HLCS: variants seen among roughly 807,000 people sequenced by gnomAD.
HLCS encodes the protein biotin--protein ligase.
HLCS carries 53 observed loss-of-function variants against 75.0 expected under a neutral mutation model. The observed-to-expected ratio is 0.71, with a 90% CI of 0.57 to 0.89. The LOEUF (loss-of-function observed/expected upper bound fraction) is 0.89. Ranked by LOEUF, HLCS falls within the 40% of genes least tolerant of loss-of-function variation. The probability of loss-of-function intolerance (pLI) is 0.00; values close to 1 mark genes in which losing one functional copy is unlikely to be tolerated. For synonymous variants in HLCS, 431 were observed against 428.6 expected, an observed-to-expected ratio of 1.01 and a Z score of -0.07; for missense variants, 966 against 1,074.0, an observed-to-expected ratio of 0.90 and a Z score of 1.41.
At chr21:36,909,826 C>A (rs1042236842) in intron 5 of HLCS, among the ~76,000 whole-genome samples, 3 of 152,170 alleles carry the variant, frequency 2.0e-5, no homozygotes, top group Non-Finnish European at 4.4e-5. Flanking sequence ...GTGTTGAATT[C>A]AAAATATTTC....
Position 36,945,921 on chromosome 21 carries a change from C to T in HLCS, c.331-6927G>A, listed in dbSNP as rs2845822. 140,915 of 162,378 alleles carry T rather than the reference C, an allele frequency of 0.87. 61,518 individuals carry two copies. Among genetic ancestry groups the T allele is most frequent in the African/African-American group, 0.96 (40,195 of 41,674 alleles). 10.1% of individuals were successfully genotyped at this position (162,378 alleles called of 1,614,324 possible). On this transcript the variant is annotated intron_variant, in intron 2 of 10. Transcript: ENST00000674895. ...CTTCCCAAACTTCAATCCTGGCTCC[C>T]CTGGTTAAGAGCGTGTGACCTGAGC...
At chr21:36,926,339 A>G (rs1057395811) in intron 5 of HLCS, among the ~76,000 whole-genome samples, 7 of 152,212 alleles carry the variant, frequency 4.6e-5, no homozygotes, top group African/African-American at 1.7e-4. Context: ...CACAGCTGCC[A>G]CAGGCCATGA....
intron 2 of HLCS, among the ~76,000 whole-genome samples, chr21:36,953,179 C>T (rs1321990056): frequency 1.3e-5 from 2 of 152,120 alleles, no homozygotes; most frequent in African/African-American, 4.8e-5. Flanking sequence ...TCACTGCAAC[C>T]TCAAACTTCT....
At chr21:36,986,112 C>T (rs2069224092) in intron 1 of HLCS, among the ~76,000 whole-genome samples, 1 of 152,150 alleles carries the variant, frequency 6.6e-6, no homozygotes, top group Non-Finnish European at 1.5e-5. Flanking sequence ...AAAGGCTCTG[C>T]TGTTATTGCG....
intron 6 of HLCS, among the ~76,000 whole-genome samples, chr21:36,855,682 T>C (rs1379758387): frequency 1.3e-5 from 2 of 152,018 alleles, no homozygotes; most frequent in South Asian, 4.2e-4. Context: ...GCTCAGGCGA[T>C]ACTCCCATCT....
intron 6 of HLCS, among the ~76,000 whole-genome samples, chr21:36,892,093 G>C (rs1248536860): frequency 6.6e-6 from 1 of 152,144 alleles, no homozygotes; most frequent in Non-Finnish European, 1.5e-5. Context: ...GAAGCAAACA[G>C]ACTAGAGGGC....
chr21:36,821,438 TATTC>T (rs1460432272), intron 6 of HLCS, among the ~76,000 whole-genome samples: 1 of 152,236 alleles, frequency 6.6e-6, no homozygotes, highest in Non-Finnish European at 1.5e-5. Flanking sequence ...TTCATTCACT[TATTC>T]ATTCAGTTCA....
chr21:36,883,100 A>C (rs1370967693), intron 6 of HLCS, among the ~76,000 whole-genome samples: 1 of 152,236 alleles, frequency 6.6e-6, no homozygotes, highest in Non-Finnish European at 1.5e-5. Context: ...AATACCCCTC[A>C]TGCAGAAACA....
intron 2 of HLCS, chr21:36,947,730 A>G: frequency 1.0e-6 from 1 of 985,394 alleles, no homozygotes; most frequent in Middle Eastern, 5.2e-4. Flanking sequence ...ACTCACATCC[A>G]AGAAGCAGTC....
chr21:36,892,293 A>G lies in HLCS; in HGVS notation c.1892+4567T>C, dbSNP rs538241123. Among the ~76,000 whole-genome samples, 6 of 152,326 alleles carry G rather than the reference A, an allele frequency of 3.9e-5. No individual in the cohort carries two copies. In the East Asian group the frequency reaches 9.7e-4, roughly 25 times the overall value. ...GAAGACCCTTTCAGAAGGCAAAGCC[A>G]TGACTCCAAAAGATCCCAGGCAAGA... On this transcript the variant is annotated intron_variant, in intron 6 of 10. Transcript: ENST00000674895.
At chr21:36,885,492 A>C (rs2064411115) in intron 6 of HLCS, among the ~76,000 whole-genome samples, 1 of 150,810 alleles carries the variant, frequency 6.6e-6, no homozygotes, top group Non-Finnish European at 1.5e-5. Flanking sequence ...TGGGTGACAG[A>C]GCAAGATCCT....
chr21:36,928,129 G>C (rs1453766866), intron 5 of HLCS, among the ~76,000 whole-genome samples: 1 of 152,172 alleles, frequency 6.6e-6, no homozygotes, highest in Non-Finnish European at 1.5e-5. Flanking sequence ...GCTGCCTCCG[G>C]AAAGACCACC....
rs1323740370 is a variant in HLCS, at chr21:36,937,265, A to G, written c.621T>C (p.His207=). 5.6e-6 allele frequency: 9 copies of G among 1,613,856 alleles called. No homozygotes were observed. The South Asian group carries it at 7.7e-5, about 14-fold the overall frequency. The change falls in exon 4 of 11, where the codon CAT becomes CAC. Residue 207 remains histidine (H), a synonymous_variant. Coordinates refer to ENST00000674895, the MANE Select transcript of HLCS (RefSeq NM_001352514.2). The stretch of plus-strand genomic sequence containing the variant: ...GAGCCTTTGGGTCATCTCTGCCAAC[A>G]TGCTCCATACCGTCCTGCTCAGGCT... The part of the protein sequence containing the change: ...EIKPEQDGME[H]VGRDDPKALG...
At chr21:36,963,198 T>C (rs1157195089) in intron 1 of HLCS, among the ~76,000 whole-genome samples, 1 of 152,218 alleles carries the variant, frequency 6.6e-6, no homozygotes, top group African/African-American at 2.4e-5. Context: ...TTTTCTTTCC[T>C]GAAATCTCTC....
intron 6 of HLCS, among the ~76,000 whole-genome samples, chr21:36,822,674 A>G (rs1425843458): frequency 6.6e-6 from 1 of 152,202 alleles, no homozygotes; most frequent in African/African-American, 2.4e-5. Context: ...GGATGTATGG[A>G]GACAGACAGA....
At chr21:36,874,377 G>C (rs2063882197) in intron 6 of HLCS, among the ~76,000 whole-genome samples, 1 of 149,480 alleles carries the variant, frequency 6.7e-6, no homozygotes, top group East Asian at 2.0e-4. Context: ...ACTCCAGCCT[G>C]AGCGACAGAG....
intron 6 of HLCS, among the ~76,000 whole-genome samples, chr21:36,826,764 TGAG>T (rs2062021083): frequency 6.6e-6 from 1 of 152,190 alleles, no homozygotes; most frequent in African/African-American, 2.4e-5. Flanking sequence ...ATTTTACAAA[TGAG>T]GAAGCTTGTC....
At chr21:36,759,872 G>C in intron 8 of HLCS, 31 bp from the exon 9 acceptor site, 1 of 1,354,604 alleles carries the variant, frequency 7.4e-7, no homozygotes, top group South Asian at 1.2e-5. Flanking sequence ...TAATTAAGCC[G>C]TCACAGGACA....
At chr21:36,967,427 G>A (rs918092930), upstream of HLCS, among the ~76,000 whole-genome samples, 16 of 152,162 alleles carry the variant, frequency 1.1e-4, no homozygotes, top group African/African-American at 3.9e-4. Context: ...CTTGCTACAT[G>A]TGGGTCAACA....
Sources: gnomAD v4.1 joint callset for allele counts (sites outside exome capture counted in the v4.1 genomes callset) on GRCh38, gnomAD v4.1.1 for gene constraint, MANE v1.5 for transcripts, NCBI Gene and HGNC (gene_info 2026-07-23, HGNC 2026-07-21) for gene names.